NECTIN3: variants seen among roughly 807,000 people sequenced by gnomAD.
The protein encoded by NECTIN3 is nectin-3.
A neutral mutation model predicts 49.4 loss-of-function variants in NECTIN3; 8 were observed. The observed-to-expected ratio is 0.16, with a 90% CI of 0.10 to 0.29. NECTIN3 has a LOEUF of 0.29. NECTIN3 is among the 10% of genes least tolerant of loss of function. The pLI is 1.00. For synonymous variants in NECTIN3, 277 were observed against 241.1 expected, an observed-to-expected ratio of 1.15 and a Z score of -1.38; for missense variants, 581 against 654.6, an observed-to-expected ratio of 0.89 and a Z score of 1.23.
intron 1 of NECTIN3, among the ~76,000 whole-genome samples, chr3:111,088,232 G>A (rs1226258683): frequency 6.6e-6 from 1 of 151,992 alleles, no homozygotes. Context: ...AAAGAGTCTG[G>A]CACCTCCTCT....
intron 1 of NECTIN3, 113 bp from the exon 2 acceptor site, chr3:111,111,917 G>GCA: frequency 1.6e-6 from 1 of 629,268 alleles, no homozygotes; most frequent in Admixed American, 2.9e-5. Flanking sequence ...GTGTGTGTGT[G>GCA]TGTGTGTGTG....
intron 7 of NECTIN3, among the ~76,000 whole-genome samples, chr3:111,176,237 G>A (rs943573509): frequency 6.6e-6 from 1 of 152,198 alleles, no homozygotes; most frequent in Non-Finnish European, 1.5e-5. Context: ...ACTGTAGGGT[G>A]CATTGAAAAC....
Position 111,072,193 on chromosome 3 carries a change from C to T in NECTIN3, c.160+16C>T, listed in dbSNP as rs1181688511. ...AGGCTCTGTGGTAGGTGAACCTCGGCGGCCGGCGTGGGCTGAGGGAGCCGC... is the reference window on the plus strand; with the variant it reads ...AGGCTCTGTGGTAGGTGAACCTCGGTGGCCGGCGTGGGCTGAGGGAGCCGC... On this transcript the variant is annotated intron_variant, in intron 1 of 5. Transcript: ENST00000485303. 1.3e-6 allele frequency: 2 copies of T among 1,540,442 alleles called. No individual in the cohort carries two copies. The highest frequency in any genetic ancestry group is 8.7e-7 in the Non-Finnish European group (1 of 1,146,188).
chr3:111,101,327 A>T (rs1361411961), intron 1 of NECTIN3, among the ~76,000 whole-genome samples: 1 of 152,156 alleles, frequency 6.6e-6, no homozygotes, highest in African/African-American at 2.4e-5. Context: ...AGAACATTTT[A>T]TAAAAGCCTG....
In NECTIN3 at chr3:111,122,252, C is replaced by A. The variant is rs1247451325; in HGVS notation, c.917+14C>A. 1.9e-6 allele frequency: 3 copies of A among 1,548,094 alleles called. No individual in the cohort carries two copies. Among genetic ancestry groups the A allele is most frequent in the Non-Finnish European group, 1.8e-6 (2 of 1,126,992 alleles). ...TGTGTGGAGCAGGTAATGTTATATA[C>A]TTCGAAAGAGAAATTATCTAAAAGT... is the stretch of plus-strand genomic sequence containing the variant. On this transcript the variant is annotated intron_variant, in intron 4 of 5. Transcript: ENST00000485303.
chr3:111,166,940 GATTTGAACCCATAA>G (rs2035329897), intron 7 of NECTIN3, among the ~76,000 whole-genome samples: 1 of 152,222 alleles, frequency 6.6e-6, no homozygotes, highest in Non-Finnish European at 1.5e-5. Context: ...TAGGTAGATA[GATTTGAACCCATAA>G]GTGACTGAAC....
At chr3:111,131,186 A>G (rs2034375762) in intron 5 of NECTIN3, among the ~76,000 whole-genome samples, 1 of 152,036 alleles carries the variant, frequency 6.6e-6, no homozygotes, top group South Asian at 2.1e-4. Context: ...TTACATGACT[A>G]TTTTATGGTT....
In NECTIN3 at chr3:111,126,323, A is replaced by G. The variant is rs778957089; in HGVS notation, c.1057A>G (p.Ile353Val). 6.2e-7 allele frequency: 1 copy of G among 1,605,030 alleles called. No homozygotes were observed. Among genetic ancestry groups the G allele is most frequent in the Admixed American group, 1.7e-5 (1 of 58,046 alleles). The part of the protein sequence containing the change: ...SLGQRSDQKV[I>V]YISDPPTTTT... ...TGGTCAAAGAAGTGACCAAAAAGTC[A>G]TCTACATTTCAGGTAAGTTACTATC... The change falls in exon 5 of 6, where the codon ATC becomes GTC. Residue 353 changes from isoleucine (I) to valine (V), a missense_variant. Transcript: ENST00000485303.
chr3:111,160,942 G>T (rs1368462726), intron 7 of NECTIN3, among the ~76,000 whole-genome samples: 1 of 152,212 alleles, frequency 6.6e-6, no homozygotes, highest in Non-Finnish European at 1.5e-5. Context: ...AGGAGGCAGA[G>T]CTTGCAGTGA....
chr3:111,164,981 A>G (rs935510692), intron 7 of NECTIN3, among the ~76,000 whole-genome samples: 1 of 152,246 alleles, frequency 6.6e-6, no homozygotes, highest in Non-Finnish European at 1.5e-5. Flanking sequence ...TCAAAATTTT[A>G]CTATTGAATA....
At chr3:111,187,786 T>C (rs187317271), upstream of NECTIN3, among the ~76,000 whole-genome samples, 372 of 152,262 alleles carry the variant, frequency 2.4e-3, no homozygotes, top group African/African-American at 8.3e-3. Flanking sequence ...TGCTATAGGT[T>C]GGGTGGCTAG....
chr3:111,160,965 C>T (rs979617557), intron 7 of NECTIN3, among the ~76,000 whole-genome samples: 1 of 152,146 alleles, frequency 6.6e-6, no homozygotes, highest in African/African-American at 2.4e-5. Flanking sequence ...CGAGGTTGCG[C>T]CACTGCACTC....
At chr3:111,076,643 A>G (rs967877525) in intron 1 of NECTIN3, among the ~76,000 whole-genome samples, 1 of 152,120 alleles carries the variant, frequency 6.6e-6, no homozygotes, top group East Asian at 1.9e-4. Flanking sequence ...ATGTATTAGA[A>G]TAAACTCTGA....
At chr3:111,160,790 G>A (rs1050952409) in intron 7 of NECTIN3, among the ~76,000 whole-genome samples, 11 of 152,172 alleles carry the variant, frequency 7.2e-5, no homozygotes, top group South Asian at 6.2e-4. Context: ...GGCGGATCAC[G>A]AGGTCGGGAG....
At position 111,136,668 on chromosome 3, in the gene NECTIN3, C is replaced by A; in HGVS notation, c.*2453C>A. ...TTGACAGGTATATATGAAAATTCTA[C>A]TATCGTGAAAAAAAATGAATATTTG... On this transcript the variant is annotated 3_prime_UTR_variant, in exon 6 of 6. Coordinates refer to ENST00000485303, the MANE Select transcript of NECTIN3 (RefSeq NM_015480.3). 2 of 909,638 alleles carry A rather than the reference C, an allele frequency of 2.2e-6. No individual in the cohort carries two copies. The highest frequency in any genetic ancestry group is 2.6e-6 in the Non-Finnish European group (2 of 761,446). 56.3% of individuals were successfully genotyped at this position (909,638 alleles called of 1,614,324 possible).
intron 1 of NECTIN3, among the ~76,000 whole-genome samples, chr3:111,073,915 G>A (rs1484957402): frequency 2.0e-5 from 3 of 152,198 alleles, no homozygotes; most frequent in Admixed American, 6.5e-5. Context: ...GAAGAAAACA[G>A]TTTTAAAAAA....
intron 5 of NECTIN3, among the ~76,000 whole-genome samples, chr3:111,126,713 G>C (rs1406645617): frequency 6.6e-6 from 1 of 152,062 alleles, no homozygotes; most frequent in African/African-American, 2.4e-5. Context: ...TTTGTACACA[G>C]TTGTCTGGTA....
intron 1 of NECTIN3, among the ~76,000 whole-genome samples, chr3:111,087,498 C>A (rs544109628): frequency 6.6e-6 from 1 of 151,860 alleles, no homozygotes; most frequent in South Asian, 2.1e-4. Flanking sequence ...ATTAAAAATA[C>A]AAAAATTAGC....
rs1448764127 is a variant in NECTIN3 at position 111,137,090 on chromosome 3, G to A, written c.*2875G>A. 15 of 983,092 alleles carry A rather than the reference G, an allele frequency of 1.5e-5. No individual in the cohort carries two copies. Among genetic ancestry groups the A allele is most frequent in the Non-Finnish European group, 1.8e-5 (15 of 828,080 alleles). 60.9% of individuals were successfully genotyped at this position (983,092 alleles called of 1,614,324 possible). On this transcript the variant is annotated 3_prime_UTR_variant, in exon 6 of 6. Transcript: ENST00000485303. ...TATTTTGCATTAAGGAGCTGTAGGA[G>A]TACAGTGTATAAGTACAGAAATTGA... is the stretch of plus-strand genomic sequence containing the variant.
Sources: allele counts gnomAD v4.1 joint callset (sites outside exome capture counted in the v4.1 genomes callset), GRCh38; gene constraint gnomAD v4.1.1; transcripts MANE v1.5; gene names NCBI Gene and HGNC (gene_info 2026-07-23, HGNC 2026-07-21).